Variants in PLEKHA7 observed in about 807,000 individuals in gnomAD.
PLEKHA7 encodes the protein pleckstrin homology domain containing A7.
In PLEKHA7, 104 loss-of-function variants were observed where a neutral mutation model predicts 170.0. The ratio of observed to expected loss-of-function variants is 0.61; its 90% CI spans 0.52 to 0.72. The LOEUF is 0.72. Among genes scored for constraint, PLEKHA7 ranks in the 30% least tolerant of loss-of-function variants. The pLI, the probability that PLEKHA7 is intolerant of heterozygous loss-of-function variation, is 0.00. For synonymous variants in PLEKHA7, 648 were observed against 660.8 expected, an observed-to-expected ratio of 0.98 and a Z score of 0.30; for missense variants, 1,615 against 1,671.7, an observed-to-expected ratio of 0.97 and a Z score of 0.59.
chr11:16,834,883 TC>T (rs1273386896), intron 9 of PLEKHA7, among the ~76,000 whole-genome samples: 2 of 152,112 alleles, frequency 1.3e-5, no homozygotes, highest in African/African-American at 4.8e-5. Flanking sequence ...GTGCAGGGTA[TC>T]CCTCACAGCA....
chr11:16,906,095 TAGC>T (rs551181765), intron 3 of PLEKHA7, among the ~76,000 whole-genome samples: 6 of 152,142 alleles, frequency 3.9e-5, no homozygotes, highest in Non-Finnish European at 7.3e-5. Flanking sequence ...ATCTGACAAA[TAGC>T]AGGACTGTTG....
At chr11:16,929,770 C>T (rs926718606) in intron 3 of PLEKHA7, among the ~76,000 whole-genome samples, 3 of 151,568 alleles carry the variant, frequency 2.0e-5, no homozygotes, top group Admixed American at 2.0e-4. Context: ...TTTGGGAGGC[C>T]GAGGTGGGTG....
intron 3 of PLEKHA7, among the ~76,000 whole-genome samples, chr11:16,890,489 T>C (rs1214712690): frequency 1.3e-5 from 2 of 152,206 alleles, no homozygotes; most frequent in Non-Finnish European, 2.9e-5. Flanking sequence ...CAAGAGCAGC[T>C]ATACTTATAT....
Position 16,789,191 on chromosome 11 carries a change from C to T in PLEKHA7, c.3262G>A (p.Val1088Ile). ...CCCAGTGTCCTCTTGCGCTCTCGGACCAGGGCCTTCTGGTGTCGCTTCATG... is the reference window on the plus strand; with the variant it reads ...CCCAGTGTCCTCTTGCGCTCTCGGATCAGGGCCTTCTGGTGTCGCTTCATG... ...ERMKRHQKAL[V>I]RERKRTLGQG... Residue 1088 changes from valine (V) to isoleucine (I), a missense_variant, in exon 23 of 27, where the codon GTC becomes ATC. By Grantham distance (29) the Val-to-Ile change is conservative. Coordinates refer to ENST00000531066, the MANE Select transcript of PLEKHA7 (RefSeq NM_001329630.2). This position sits in a 1 kb window ranked among gnomAD's most constrained non-coding sequence, Gnocchi z 4.6. The T allele has an allele frequency of 1.9e-6, 3 of 1,613,274 alleles. No individual in the cohort carries two copies. The highest frequency in any genetic ancestry group is 2.5e-6 in the Non-Finnish European group (3 of 1,180,036).
chr11:16,955,152 A>G (rs1014309664), intron 3 of PLEKHA7, among the ~76,000 whole-genome samples: 1 of 152,262 alleles, frequency 6.6e-6, no homozygotes, highest in African/African-American at 2.4e-5. Context: ...GAATACAAAG[A>G]AGAAAACTGA....
intron 3 of PLEKHA7, among the ~76,000 whole-genome samples, chr11:16,889,614 TAAATA>T (rs1279406721): frequency 2.0e-5 from 3 of 150,834 alleles, no homozygotes; most frequent in Admixed American, 6.6e-5. Flanking sequence ...ACAAAAAAAA[TAAATA>T]AAATGAAATG....
intron 9 of PLEKHA7, among the ~76,000 whole-genome samples, chr11:16,840,474 C>T (rs1020200418): frequency 7.9e-5 from 12 of 152,220 alleles, no homozygotes; most frequent in Middle Eastern, 3.4e-3. Flanking sequence ...GCAGGAGAAT[C>T]GCTTGAATCC....
At chr11:16,959,557 TCAAGTTTGAAAAAGTGGA>T (rs1861919001) in intron 3 of PLEKHA7, among the ~76,000 whole-genome samples, 1 of 152,042 alleles carries the variant, frequency 6.6e-6, no homozygotes, top group African/African-American at 2.4e-5. Flanking sequence ...CCATAGTGAA[TCAAGTTTGAAAAAGTGGA>T]CTAAGGAGAG....
Position 16,791,817 on chromosome 11 carries a change from C to T in PLEKHA7, c.2746-618G>A. 1 of 386,444 alleles carries T rather than the reference C, an allele frequency of 2.6e-6. No individual in the cohort carries two copies. 23.9% of individuals were successfully genotyped at this position (386,444 alleles called of 1,614,324 possible). On this transcript the variant is annotated intron_variant, in intron 19 of 26. Transcript: ENST00000531066. This position sits in a 1 kb window ranked among gnomAD's most constrained non-coding sequence, Gnocchi z 4.5. ...TCACTGCCTACCATGCAGTTCATTCCCTAGAATGTGATGAATGCAACATTT... is the reference window on the plus strand; with the variant it reads ...TCACTGCCTACCATGCAGTTCATTCTCTAGAATGTGATGAATGCAACATTT...
intron 6 of PLEKHA7, among the ~76,000 whole-genome samples, chr11:16,853,919 C>T (rs1264427534): frequency 1.3e-5 from 2 of 152,314 alleles, no homozygotes; most frequent in East Asian, 3.9e-4. Context: ...CCTCTGTCTT[C>T]CCACAAAGCT....
chr11:16,936,087 T>C (rs1019158649), intron 3 of PLEKHA7, among the ~76,000 whole-genome samples: 2 of 152,122 alleles, frequency 1.3e-5, no homozygotes, highest in Non-Finnish European at 2.9e-5. Flanking sequence ...AAGTTTAATA[T>C]GATAATGAAC....
At chr11:16,916,203 T>C (rs974509002) in intron 3 of PLEKHA7, among the ~76,000 whole-genome samples, 20 of 152,236 alleles carry the variant, frequency 1.3e-4, no homozygotes, top group Non-Finnish European at 2.9e-4. Context: ...CACTTGTTAA[T>C]GGGGTTGTTT....
chr11:16,871,491 C>G (rs1222545778), intron 3 of PLEKHA7, among the ~76,000 whole-genome samples: 1 of 151,980 alleles, frequency 6.6e-6, no homozygotes, highest in Non-Finnish European at 1.5e-5. Flanking sequence ...CAAACTGAGA[C>G]GATGAACAAA....
intron 17 of PLEKHA7, among the ~76,000 whole-genome samples, chr11:16,797,469 C>T (rs1564921471): frequency 6.6e-6 from 1 of 152,180 alleles, no homozygotes; most frequent in Non-Finnish European, 1.5e-5. Flanking sequence ...TGCATACATG[C>T]TACGTGAATA....
At position 16,974,632 on chromosome 11, in the gene PLEKHA7, T is replaced by TG. The variant is rs1565171002; in HGVS notation, c.221+39356_221+39357insC. ...CCTCACAGAGATTTCACAGGTTTTT[T>TG]TTTTTTTTTTTTTTGAACATAAACT... is the stretch of plus-strand genomic sequence containing the variant. On this transcript the variant is annotated intron_variant, in intron 3 of 26. Coordinates refer to ENST00000531066, the MANE Select transcript of PLEKHA7 (RefSeq NM_001329630.2). 7 of 282,938 alleles carry TG rather than the reference T, an allele frequency of 2.5e-5. 2 individuals carry two copies. Among genetic ancestry groups the TG allele is most frequent in the Non-Finnish European group, 3.1e-5 (7 of 222,714 alleles). 17.5% of individuals were successfully genotyped at this position (282,938 alleles called of 1,614,324 possible).
At chr11:16,929,912 G>T (rs530862530) in intron 3 of PLEKHA7, among the ~76,000 whole-genome samples, 1 of 152,186 alleles carries the variant, frequency 6.6e-6, no homozygotes, top group East Asian at 1.9e-4. Context: ...GCTGAGGCAG[G>T]AGAATCACTC....
rs767624201 is a variant in PLEKHA7 at position 16,791,146 on chromosome 11, G to T, written c.2799C>A (p.Asp933Glu). ...PPLPELYSPE[D>E]QPPAVPPLPR... ...GCAGAGGCGGCACAGCCGGGGGCTG[G>T]TCCTCTGGGCTGTAGAGTTCGGGGA... Residue 933 changes from aspartate to glutamate, a missense_variant, in exon 20 of 27, where the codon GAC becomes GAA. Asp to Glu is a conservative substitution (Grantham distance 45). Coordinates refer to ENST00000531066, the MANE Select transcript of PLEKHA7 (RefSeq NM_001329630.2). This position sits in a 1 kb window ranked among gnomAD's most constrained non-coding sequence, Gnocchi z 4.5. The T allele has an allele frequency of 1.9e-6, 3 of 1,613,794 alleles. No homozygotes were observed. The highest frequency in any genetic ancestry group is 1.1e-5 in the South Asian group (1 of 91,030).
chr11:16,997,547 C>T (rs78683117), intron 3 of PLEKHA7, among the ~76,000 whole-genome samples: 101 of 152,290 alleles, frequency 6.6e-4, no homozygotes, highest in African/African-American at 1.9e-3. Flanking sequence ...ACAGTGACTT[C>T]CTTCACTCAC....
At chr11:16,978,975 G>A (rs561470874) in intron 3 of PLEKHA7, among the ~76,000 whole-genome samples, 5 of 152,034 alleles carry the variant, frequency 3.3e-5, no homozygotes, top group East Asian at 1.9e-4. Context: ...TCTAAAACAG[G>A]CCTCCCTCCC....
Sources: allele counts gnomAD v4.1 joint callset (sites outside exome capture counted in the v4.1 genomes callset), GRCh38; gene constraint gnomAD v4.1.1; non-coding constraint Gnocchi (gnomAD v3.1); transcripts MANE v1.5; gene names NCBI Gene and HGNC (gene_info 2026-07-23, HGNC 2026-07-21).